The following COG5 variants were observed in gnomAD, a reference collection of about 807,000 sequenced individuals.
COG5 encodes the protein conserved oligomeric Golgi complex subunit 5.
COG5 carries 86 observed loss-of-function variants against 110.4 expected under a neutral mutation model. That is an observed-to-expected ratio of 0.78 (90% confidence interval 0.65 to 0.93). The LOEUF is 0.93. Among genes scored for constraint, COG5 ranks in the 40% least tolerant of loss-of-function variants. The pLI, the probability that COG5 is intolerant of heterozygous loss-of-function variation, is 0.00. For synonymous variants in COG5, 360 were observed against 334.6 expected (o/e 1.08, Z -0.83); for missense variants, 1,077 against 987.0 (o/e 1.09, Z -1.22).
chr7:107,247,810 A>G (rs745327865), intron 17 of COG5, among the ~76,000 whole-genome samples: 2 of 152,214 alleles, frequency 1.3e-5, no homozygotes, highest in African/African-American at 2.4e-5. Context: ...CAGGTTTGGA[A>G]TAACACCATA....
At chr7:107,268,288 G>C (rs1803965811) in intron 14 of COG5, among the ~76,000 whole-genome samples, 1 of 152,116 alleles carries the variant, frequency 6.6e-6, no homozygotes, top group South Asian at 2.1e-4. Context: ...TTTATATATA[G>C]TCCAACAATA....
rs909280858 is a variant in COG5, at chr7:107,204,720, T to C, written c.2376-1090A>G. The stretch of plus-strand genomic sequence containing the variant: ...CAGAGTCTGGCTATCACTGATCAGT[T>C]TGTAGTGCCCTTCATCCCACAAGCC... On this transcript the variant is annotated intron_variant, in intron 21 of 21. Transcript: ENST00000297135. Among the ~76,000 whole-genome samples, 7 of 152,146 alleles carry C rather than the reference T, an allele frequency of 4.6e-5. 1 individual carries two copies. Among genetic ancestry groups the C allele is most frequent in the South Asian group, 4.1e-4 (2 of 4,830 alleles).
chr7:107,270,963 A>C (rs534933812), intron 14 of COG5, among the ~76,000 whole-genome samples: 2 of 133,956 alleles, frequency 1.5e-5, no homozygotes, highest in South Asian at 2.4e-4. Flanking sequence ...TCCTGATCTC[A>C]AGTGATTCTC....
In COG5 at chr7:107,411,025, G is replaced by T. The variant is rs115364188; in HGVS notation, c.669+1477C>A. 6.1e-3 allele frequency among the ~76,000 whole-genome samples: 934 copies of T among 152,312 alleles called. 15 individuals are homozygous for T. Among genetic ancestry groups the T allele is most frequent in the African/African-American group, 0.021 (890 of 41,568 alleles). ...CATAGGTATTGGTAACATCCAGGATGTGGGATTTAGAATGGAGAGAAAACA... is the reference window on the plus strand; with the variant it reads ...CATAGGTATTGGTAACATCCAGGATTTGGGATTTAGAATGGAGAGAAAACA... On this transcript the variant is annotated intron_variant, in intron 7 of 21. Coordinates refer to ENST00000297135, the MANE Select transcript of COG5 (RefSeq NM_006348.5).
chr7:107,331,758 G>A (rs1384573665), intron 10 of COG5, among the ~76,000 whole-genome samples: 1 of 152,006 alleles, frequency 6.6e-6, no homozygotes, highest in Non-Finnish European at 1.5e-5. Context: ...GAAGCAGCAG[G>A]TGGGCAAAGA....
intron 19 of COG5, among the ~76,000 whole-genome samples, chr7:107,220,705 T>C (rs2116301885): frequency 6.6e-6 from 1 of 152,142 alleles, no homozygotes; most frequent in Non-Finnish European, 1.5e-5. Context: ...AGGGAAAAAG[T>C]GTAATAAGAA....
intron 6 of COG5, among the ~76,000 whole-genome samples, chr7:107,423,627 G>T (rs1052910085): frequency 2.6e-5 from 4 of 151,018 alleles, no homozygotes; most frequent in African/African-American, 9.8e-5. Context: ...ACTAGCAAAT[G>T]TGATTACCTT....
chr7:107,457,366 A>T (rs1054630349), intron 6 of COG5, among the ~76,000 whole-genome samples: 1 of 151,588 alleles, frequency 6.6e-6, no homozygotes, highest in African/African-American at 2.4e-5. Flanking sequence ...TGAGGAGAAA[A>T]AAAAAAAAAA....
chr7:107,385,988 T>TTGTG (rs59992824), intron 7 of COG5, among the ~76,000 whole-genome samples: 45 of 144,832 alleles, frequency 3.1e-4, no homozygotes, highest in Middle Eastern at 3.4e-3. Context: ...AAACCAGGTT[T>TTGTG]TGTGTGTGTG....
rs138126736 is a variant in COG5 at position 107,429,332 on chromosome 7, A to T, written c.539-16700T>A. 2.0e-5 allele frequency among the ~76,000 whole-genome samples: 3 copies of T among 152,210 alleles called. No individual in the cohort carries two copies. In the East Asian group the frequency reaches 5.8e-4, roughly 29 times the overall value. ...ATTTTAGTCATTCTTGGGGGTGTAA[A>T]GTGGTATATCATTGTGGTTTGATTT... On this transcript the variant is annotated intron_variant, in intron 6 of 21. Coordinates refer to ENST00000297135, the MANE Select transcript of COG5 (RefSeq NM_006348.5).
intron 14 of COG5, among the ~76,000 whole-genome samples, chr7:107,276,586 G>A (rs115935657): frequency 0.023 from 3,486 of 152,284 alleles, 155 homozygotes; most frequent in African/African-American, 0.076. Flanking sequence ...CTGGGAGGCA[G>A]AGGTTGCAAT....
At position 107,329,046 on chromosome 7, in the gene COG5, A is replaced by G. The variant is rs180855032; in HGVS notation, c.1027-4525T>C. On this transcript the variant is annotated intron_variant, in intron 10 of 21. Coordinates refer to ENST00000297135, the MANE Select transcript of COG5 (RefSeq NM_006348.5). Reference sequence around the variant, plus strand: ...ACTGGGACTACATCATTGGCTTTCCAGCTTGCCAACTACAGATCTACAGAT... The same window carrying G: ...ACTGGGACTACATCATTGGCTTTCCGGCTTGCCAACTACAGATCTACAGAT... Among the ~76,000 whole-genome samples the G allele has an allele frequency of 5.4e-3, 827 of 152,238 alleles. 9 individuals carry two copies. The highest frequency in any genetic ancestry group is 0.019 in the African/African-American group (805 of 41,528).
At chr7:107,319,831 T>C (rs1456333202) in intron 11 of COG5, among the ~76,000 whole-genome samples, 1 of 152,126 alleles carries the variant, frequency 6.6e-6, no homozygotes, top group Non-Finnish European at 1.5e-5. Context: ...GGTGTGGTAG[T>C]GCTCTTGTAG....
At chr7:107,343,702 C>G (rs557680289) in intron 10 of COG5, among the ~76,000 whole-genome samples, 1 of 151,940 alleles carries the variant, frequency 6.6e-6, no homozygotes, top group Non-Finnish European at 1.5e-5. Flanking sequence ...CAAAAAAACC[C>G]AAAAACACAT....
At chr7:107,423,261 TAATC>T (rs1793416132) in intron 6 of COG5, among the ~76,000 whole-genome samples, 1 of 152,208 alleles carries the variant, frequency 6.6e-6, no homozygotes, top group Admixed American at 6.5e-5. Context: ...CTGAATTTCT[TAATC>T]AGGCAGGGAT....
intron 2 of COG5, among the ~76,000 whole-genome samples, chr7:107,555,443 C>T (rs920218186): frequency 6.6e-6 from 1 of 152,160 alleles, no homozygotes; most frequent in African/African-American, 2.4e-5. Context: ...CACTGTCATT[C>T]TGTCAAGTTT....
intron 6 of COG5, among the ~76,000 whole-genome samples, chr7:107,470,944 A>C (rs1476572576): frequency 1.3e-5 from 2 of 150,282 alleles, no homozygotes; most frequent in African/African-American, 2.5e-5. Flanking sequence ...TAATGAGTTA[A>C]AATTCAAACC....
chr7:107,412,591 T>G lies in COG5; in HGVS notation c.580A>C (p.Ile194Leu). The change falls in exon 7 of 22, where the codon ATA becomes CTA. Residue 194 changes from isoleucine (I) to leucine (L), a missense_variant. Ile to Leu is a conservative substitution (Grantham distance 5). Coordinates refer to ENST00000297135, the MANE Select transcript of COG5 (RefSeq NM_006348.5). The part of the protein sequence containing the change: ...QGIDLSGIEV[I>L]ENDLLFIARA... ...GCAATAAAAAGTAGATCATTTTCTA[T>G]CACTTCTATTCCAGAAAGATCTATT... The G allele has an allele frequency of 6.3e-7, 1 of 1,582,740 alleles. No individual in the cohort carries two copies. The highest frequency in any genetic ancestry group is 1.1e-5 in the South Asian group (1 of 90,478).
intron 6 of COG5, among the ~76,000 whole-genome samples, chr7:107,481,146 C>G (rs1035968968): frequency 6.6e-6 from 1 of 152,086 alleles, no homozygotes; most frequent in East Asian, 1.9e-4. Flanking sequence ...TGAGCTAAGT[C>G]TGTCTGGGAT....
Sources: gnomAD v4.1 joint callset for allele counts (sites outside exome capture counted in the v4.1 genomes callset) on GRCh38, gnomAD v4.1.1 for gene constraint, MANE v1.5 for transcripts, NCBI Gene and HGNC (gene_info 2026-07-23, HGNC 2026-07-21) for gene names.